TBCK: variants seen among roughly 807,000 people sequenced by gnomAD.
TBCK encodes the protein TBC domain-containing protein kinase-like protein.
A neutral mutation model predicts 113.4 loss-of-function variants in TBCK; 99 were observed. That is an observed-to-expected ratio of 0.87 (90% CI 0.74 to 1.03). The LOEUF is 1.03. Ranked by LOEUF, TBCK falls within the 50% of genes least tolerant of loss-of-function variation. The probability of loss-of-function intolerance (pLI) is 0.00; values close to 1 mark genes in which losing one functional copy is unlikely to be tolerated. For missense variants in TBCK, 1,045 were observed against 1,061.3 expected (o/e 0.98, Z 0.21); for synonymous variants, 369 against 370.8 (o/e 1.00, Z 0.05).
intron 22 of TBCK, among the ~76,000 whole-genome samples, chr4:106,192,931 A>G (rs1021350762): frequency 1.3e-5 from 2 of 152,158 alleles, no homozygotes; most frequent in South Asian, 2.1e-4. Flanking sequence ...TTCACCTAAA[A>G]AAACTGAAGT....
At chr4:106,252,508 C>A (rs1412664587) in intron 5 of TBCK, among the ~76,000 whole-genome samples, 1 of 152,038 alleles carries the variant, frequency 6.6e-6, no homozygotes, top group African/African-American at 2.4e-5. Flanking sequence ...ATCACCTCTG[C>A]CCCACATGGT....
intron 23 of TBCK, among the ~76,000 whole-genome samples, chr4:106,131,503 CT>C: frequency 6.6e-6 from 1 of 152,278 alleles, no homozygotes; most frequent in East Asian, 1.9e-4. Flanking sequence ...ATCCCAGCTA[CT>C]TGGGAGGCTG....
At position 106,171,238 on chromosome 4, in the gene TBCK, T is replaced by TA. The variant is rs1750971659; in HGVS notation, c.2091dup (p.Ile698TyrfsTer9). The TA allele has an allele frequency of 6.2e-7, 1 of 1,611,112 alleles. No homozygotes were observed. The highest frequency in any genetic ancestry group is 8.5e-7 in the Non-Finnish European group (1 of 1,178,980). ...TTAGGAGTCCAACAAAACAGGTTGA[T>TA]AGATTCTCTCACACAGCGTTCAATG... On this transcript the variant is annotated frameshift_variant, in exon 23 of 26. Transcript: ENST00000394708. LOFTEE classifies it high-confidence loss of function.
At chr4:106,070,352 G>C (rs190009306) in intron 25 of TBCK, among the ~76,000 whole-genome samples, 215 of 152,164 alleles carry the variant, frequency 1.4e-3, no homozygotes, top group East Asian at 3.5e-3. Context: ...TAGCATGAAG[G>C]GCTGTTGAAT....
At chr4:106,253,830 C>T (rs1761688299) in intron 5 of TBCK, among the ~76,000 whole-genome samples, 1 of 152,124 alleles carries the variant, frequency 6.6e-6, no homozygotes, top group African/African-American at 2.4e-5. Flanking sequence ...TAGAAATTCA[C>T]TAGAAGGACT....
chr4:106,177,747 T>C (rs1335758500), intron 22 of TBCK, among the ~76,000 whole-genome samples: 9 of 151,932 alleles, frequency 5.9e-5, no homozygotes, highest in Non-Finnish European at 7.4e-5. Flanking sequence ...TGTAGTATAT[T>C]TGGGAATTAG....
chr4:106,049,370 G>A (rs1340071284), intron 25 of TBCK, among the ~76,000 whole-genome samples: 4 of 151,962 alleles, frequency 2.6e-5, no homozygotes, highest in African/African-American at 9.7e-5. Flanking sequence ...CAGGGGCTGG[G>A]GAGCTGGTTT....
At chr4:106,211,923 G>A (rs1224365000) in intron 20 of TBCK, among the ~76,000 whole-genome samples, 27 of 151,646 alleles carry the variant, frequency 1.8e-4, no homozygotes, top group Admixed American at 1.8e-3. Context: ...GAACATTTTG[G>A]TTTTTTATCA....
At chr4:106,067,635 A>G (rs1344457707) in intron 25 of TBCK, among the ~76,000 whole-genome samples, 1 of 152,086 alleles carries the variant, frequency 6.6e-6, no homozygotes, top group African/African-American at 2.4e-5. Flanking sequence ...TAGATTGTAA[A>G]TTTAGTCTTT....
intron 23 of TBCK, among the ~76,000 whole-genome samples, chr4:106,161,495 G>C (rs1264482836): frequency 1.3e-5 from 2 of 152,060 alleles, no homozygotes; most frequent in South Asian, 2.1e-4. Flanking sequence ...AAGGAGTGAG[G>C]GTCAGGGCAG....
At chr4:106,210,420 C>T (rs1275530305) in intron 20 of TBCK, among the ~76,000 whole-genome samples, 1 of 152,080 alleles carries the variant, frequency 6.6e-6, no homozygotes, top group Non-Finnish European at 1.5e-5. Context: ...GTCTCTGGCC[C>T]AGGAATCTTG....
Position 106,138,226 on chromosome 4 carries a change from C to T in TBCK, c.2236-21848G>A, listed in dbSNP as rs1296337715. ...TTCTGTATATGCTCTATCATAATCT[C>T]ATGGGACCACGGTCATGTATGTAAT... On this transcript the variant is annotated intron_variant, in intron 23 of 25. Transcript: ENST00000394708. Among the ~76,000 whole-genome samples, 8 of 141,300 alleles carry T rather than the reference C, an allele frequency of 5.7e-5. 3 individuals are homozygous for T. The highest frequency in any genetic ancestry group is 3.2e-5 in the Non-Finnish European group (2 of 62,186). The allele number at this position is 141,300 out of a possible 152,430, so 92.7% of individuals were successfully genotyped here.
chr4:106,247,009 C>T, intron 10 of TBCK, 130 bp downstream of exon 10: 1 of 948,770 alleles, frequency 1.1e-6, no homozygotes, highest in Non-Finnish European at 1.5e-6. Flanking sequence ...TAATCACTTC[C>T]AGAATTGTCT....
chr4:106,171,221 C>T lies in TBCK; in HGVS notation c.2109G>A (p.Trp703Ter). The change falls in exon 23 of 26, where the codon TGG becomes TGA. Residue 703 changes from tryptophan (W) to a stop codon, truncating the protein, a stop_gained. Coordinates refer to ENST00000394708, the MANE Select transcript of TBCK (RefSeq NM_001163435.3). LOFTEE classifies it high-confidence loss of function. ...CVRESINLFC[W>*]TPKSATYRQH... ...GTCTGTAAGTAGCACTTTTAGGAGT[C>T]CAACAAAACAGGTTGATAGATTCTC... The T allele has an allele frequency of 6.2e-7, 1 of 1,611,690 alleles. No individual in the cohort carries two copies. The highest frequency in any genetic ancestry group is 1.3e-5 in the African/African-American group (1 of 74,804).
At chr4:106,304,406 A>G (rs1335322791) in intron 2 of TBCK, among the ~76,000 whole-genome samples, 1 of 152,164 alleles carries the variant, frequency 6.6e-6, no homozygotes, top group Non-Finnish European at 1.5e-5. Context: ...TTTCTATACC[A>G]TAGTCTCCAT....
chr4:106,126,418 T>C (rs1013495818), intron 23 of TBCK, among the ~76,000 whole-genome samples: 1 of 152,190 alleles, frequency 6.6e-6, no homozygotes, highest in Non-Finnish European at 1.5e-5. Context: ...AATAAAATAG[T>C]ATTTCCAAAT....
chr4:106,266,641 C>T (rs554725324), intron 3 of TBCK, among the ~76,000 whole-genome samples: 12 of 151,796 alleles, frequency 7.9e-5, no homozygotes, highest in East Asian at 1.9e-4. Context: ...AATGACATAC[C>T]GTTTCTTAGC....
intron 20 of TBCK, among the ~76,000 whole-genome samples, chr4:106,199,030 T>C (rs1465519926): frequency 6.6e-6 from 1 of 152,176 alleles, no homozygotes; most frequent in African/African-American, 2.4e-5. Context: ...ATGCCAGATC[T>C]GTGTTAGGTG....
rs1347660457 is a variant in TBCK at position 106,171,267 on chromosome 4, A to G, written c.2063T>C (p.Ile688Thr). The change falls in exon 23 of 26, where the codon ATT becomes ACT. Residue 688 changes from isoleucine (I) to threonine (T), a missense_variant. Transcript: ENST00000394708. ...CILLFSDLPE[I>T]DIERCVRESI... ...TTCTCTCACACAGCGTTCAATGTCAATTTCTAGATAGAAATGTTTTAAAAA... is the reference window on the plus strand; with the variant it reads ...TTCTCTCACACAGCGTTCAATGTCAGTTTCTAGATAGAAATGTTTTAAAAA... 1.9e-6 allele frequency: 3 copies of G among 1,597,540 alleles called. No individual in the cohort carries two copies. The East Asian group carries it at 6.8e-5, about 36-fold the overall frequency.
Sources: allele counts gnomAD v4.1 joint callset (sites outside exome capture counted in the v4.1 genomes callset), GRCh38; gene constraint gnomAD v4.1.1; transcripts MANE v1.5; gene names NCBI Gene and HGNC (gene_info 2026-07-23, HGNC 2026-07-21).